Variants in ARHGEF28 observed in about 807,000 individuals in gnomAD.
ARHGEF28 encodes Rho guanine nucleotide exchange factor 28, also known as 190 kDa guanine nucleotide exchange factor.
ARHGEF28 carries 152 observed loss-of-function variants against 206.6 expected under a neutral mutation model. The ratio of observed to expected loss-of-function variants is 0.74; its 90% confidence interval spans 0.64 to 0.84. The LOEUF (loss-of-function observed/expected upper bound fraction) is 0.84, where lower values mean the gene tolerates loss of function less well. Among genes scored for constraint, ARHGEF28 ranks in the 40% least tolerant of loss-of-function variants. The pLI is 0.00. For missense variants in ARHGEF28, 2,028 were observed against 2,073.2 expected (o/e 0.98, Z 0.42); for synonymous variants, 763 against 776.4 (o/e 0.98, Z 0.29).
chr5:73,916,789 C>T (rs1763238750), intron 35 of ARHGEF28, among the ~76,000 whole-genome samples: 1 of 152,032 alleles, frequency 6.6e-6, no homozygotes, highest in South Asian at 2.1e-4. Context: ...TCATGAAAGC[C>T]TTAATTTAAT....
chr5:73,839,514 A>G (rs1757856655), intron 10 of ARHGEF28, among the ~76,000 whole-genome samples: 1 of 152,126 alleles, frequency 6.6e-6, no homozygotes, highest in Non-Finnish European at 1.5e-5. Context: ...ACCTCAAATC[A>G]TGAGTGCTTA....
At chr5:73,879,177 A>G (rs1356281444) in intron 22 of ARHGEF28, among the ~76,000 whole-genome samples, 1 of 151,636 alleles carries the variant, frequency 6.6e-6, no homozygotes, top group Non-Finnish European at 1.5e-5. Context: ...CATTCATTTC[A>G]TCTTCCATCA....
intron 4 of ARHGEF28, among the ~76,000 whole-genome samples, chr5:73,772,350 G>T (rs1473244196): frequency 6.6e-6 from 1 of 152,048 alleles, no homozygotes; most frequent in African/African-American, 2.4e-5. Context: ...GGTGAGGTGA[G>T]AATTTATTGA....
chr5:73,767,075 A>C (rs915412888), intron 4 of ARHGEF28, among the ~76,000 whole-genome samples: 1 of 152,136 alleles, frequency 6.6e-6, no homozygotes, highest in Non-Finnish European at 1.5e-5. Context: ...TCCCTGCACA[A>C]GCTCTCTCTC....
chr5:73,650,808 C>G (rs1744769901), intron 1 of ARHGEF28, among the ~76,000 whole-genome samples: 1 of 151,994 alleles, frequency 6.6e-6, no homozygotes, highest in Non-Finnish European at 1.5e-5. Context: ...GCCACCATGC[C>G]CAGCTCGTTT....
chr5:73,741,385 GTATATATATATATATATA>G (rs67973637), intron 2 of ARHGEF28, among the ~76,000 whole-genome samples: 244 of 21,676 alleles, frequency 0.011, 1 homozygote, highest in Admixed American at 0.046. Context: ...GTGTGTGTGT[GTATATATATATATATATA>G]TATATATATA....
intron 1 of ARHGEF28, among the ~76,000 whole-genome samples, chr5:73,655,127 C>T (rs1017808726): frequency 6.6e-6 from 1 of 152,212 alleles, no homozygotes; most frequent in Non-Finnish European, 1.5e-5. Flanking sequence ...TGAGGAATAA[C>T]GCCTTCAACA....
At chr5:73,818,126 C>T (rs1008226478) in intron 9 of ARHGEF28, among the ~76,000 whole-genome samples, 3 of 152,114 alleles carry the variant, frequency 2.0e-5, no homozygotes, top group Non-Finnish European at 2.9e-5. Flanking sequence ...GTGCTTTCCA[C>T]TGTGGCCTGG....
Position 73,761,016 on chromosome 5 carries a change from C to T in ARHGEF28, c.475+7814C>T, listed in dbSNP as rs117768378. Among the ~76,000 whole-genome samples the T allele has an allele frequency of 1.6e-3, 240 of 152,306 alleles. 7 individuals are homozygous for T. In the East Asian group the frequency reaches 0.045, roughly 28 times the overall value. ...TAGAGTTGGATTCCGGTCACTCTCT[C>T]TCCCTCAATTATAATTTTCAAGAAC... is the stretch of plus-strand genomic sequence containing the variant. On this transcript the variant is annotated intron_variant, in intron 4 of 35. Transcript: ENST00000513042.
At chr5:73,870,710 G>C (rs2973554) in intron 21 of ARHGEF28, among the ~76,000 whole-genome samples, 3 of 152,108 alleles carry the variant, frequency 2.0e-5, no homozygotes, top group South Asian at 2.1e-4. Flanking sequence ...GTTTGACTAC[G>C]TGCTGCCATC....
chr5:73,904,667 T>G, intron 33 of ARHGEF28: 1 of 464,100 alleles, frequency 2.2e-6, no homozygotes, highest in Non-Finnish European at 3.8e-6. Flanking sequence ...TGATCTGGCT[T>G]GACATTTACA....
At chr5:73,877,224 A>G (rs1378546551) in intron 22 of ARHGEF28, among the ~76,000 whole-genome samples, 1 of 151,838 alleles carries the variant, frequency 6.6e-6, no homozygotes, top group Non-Finnish European at 1.5e-5. Flanking sequence ...TGTTTGTAGT[A>G]TTCTCTGGTG....
intron 2 of ARHGEF28, among the ~76,000 whole-genome samples, chr5:73,709,674 G>A (rs747532969): frequency 3.3e-5 from 5 of 152,108 alleles, no homozygotes; most frequent in Non-Finnish European, 5.9e-5. Flanking sequence ...AAGAAACACT[G>A]CACCTGGGGT....
At chr5:73,933,748 G>C (rs1764262847) in intron 35 of ARHGEF28, among the ~76,000 whole-genome samples, 1 of 151,900 alleles carries the variant, frequency 6.6e-6, no homozygotes, top group African/African-American at 2.4e-5. Flanking sequence ...GCAAATCCGG[G>C]ACATCCTATC....
intron 4 of ARHGEF28, among the ~76,000 whole-genome samples, chr5:73,764,554 TATTTTCAGGTG>T (rs1040055331): frequency 1.3e-5 from 2 of 152,144 alleles, no homozygotes; most frequent in African/African-American, 4.8e-5. Flanking sequence ...TTTCCCAAAT[TATTTTCAGGTG>T]ATTTTCAGCC....
At chr5:73,923,315 A>G (rs965014922) in intron 35 of ARHGEF28, among the ~76,000 whole-genome samples, 1 of 152,202 alleles carries the variant, frequency 6.6e-6, no homozygotes, top group Non-Finnish European at 1.5e-5. Flanking sequence ...ATTTGTCTTT[A>G]TGAGCTCCCT....
At chr5:73,778,189 T>G (rs1344401385) in intron 6 of ARHGEF28, 1 of 152,188 alleles carries the variant, frequency 6.6e-6, no homozygotes, top group African/African-American at 2.4e-5. Flanking sequence ...CCAGCATCAG[T>G]TCCATGGGGG....
intron 35 of ARHGEF28, chr5:73,923,029 C>T: frequency 6.8e-7 from 1 of 1,460,198 alleles, no homozygotes; most frequent in South Asian, 1.3e-5. Flanking sequence ...AATATTTTGG[C>T]CAAAATGTGA....
chr5:73,902,396 C>T (rs751163723), intron 31 of ARHGEF28: 11 of 152,286 alleles, frequency 7.2e-5, no homozygotes, highest in South Asian at 2.1e-4. Context: ...TAATCTTGAA[C>T]GCAAAGTTGG....
Sources: allele counts gnomAD v4.1 joint callset (sites outside exome capture counted in the v4.1 genomes callset), GRCh38; gene constraint gnomAD v4.1.1; transcripts MANE v1.5; gene names NCBI Gene and HGNC (gene_info 2026-07-23, HGNC 2026-07-21).